The following S100A4 variants were observed in gnomAD, a reference collection of about 807,000 sequenced individuals.
S100A4 encodes the protein S100 calcium binding protein A4, also known as protein S100-A4.
A neutral mutation model predicts 6.3 loss-of-function variants in S100A4; 4 were observed. That is an observed-to-expected ratio of 0.64 (90% CI 0.31 to 1.46). The LOEUF (loss-of-function observed/expected upper bound fraction) is 1.46. S100A4 is among the 40% of genes most tolerant of loss of function. The pLI, the probability that S100A4 is intolerant of heterozygous loss-of-function variation, is 0.07. For synonymous variants in S100A4, 44 were observed against 47.6 expected, an observed-to-expected ratio of 0.92 and a Z score of 0.32; for missense variants, 108 against 120.8, an observed-to-expected ratio of 0.89 and a Z score of 0.50.
chr1:153,544,928 G>C (rs1665512638), intron 1 of S100A4, 119 bp from the exon 2 acceptor site: 10 of 1,340,862 alleles, frequency 7.5e-6, no homozygotes, highest in African/African-American at 4.3e-5. Flanking sequence ...CTCCCTCCCT[G>C]GGGGAGCCCA....
chr1:153,543,686 G>GAAA lies in S100A4; in HGVS notation c.*70_*72dup. ...GCACGTGTCTGAAGGAGCCAGGGTG[G>GAAA]AAAAAAAAAAGTGCCCACTGGCGAC... On this transcript the variant is annotated 3_prime_UTR_variant, in exon 3 of 3. Transcript: ENST00000368716. 1 of 1,271,790 alleles carries GAAA rather than the reference G, an allele frequency of 7.9e-7. No homozygotes were observed. The highest frequency in any genetic ancestry group is 1.1e-6 in the Non-Finnish European group (1 of 921,828). The allele number at this position is 1,271,790 out of a possible 1,614,324, so 78.8% of individuals were successfully genotyped here.
Position 153,544,784 on chromosome 1 carries a change from G to T in S100A4, c.11C>A (p.Pro4His). 14 of 1,614,184 alleles carry T rather than the reference G, an allele frequency of 8.7e-6. No individual in the cohort carries two copies. The highest frequency in any genetic ancestry group is 1.2e-5 in the Non-Finnish European group (14 of 1,180,012). Residue 4 changes from proline to histidine, a missense_variant, in exon 2 of 3, where the codon CCT becomes CAT. Coordinates refer to ENST00000368716, the MANE Select transcript of S100A4 (RefSeq NM_002961.3). ...CATCACATCCAGGGCCTTCTCCAGAGGGCACGCCATGACAGCAGTCAGGAT... is the reference window on the plus strand; with the variant it reads ...CATCACATCCAGGGCCTTCTCCAGATGGCACGCCATGACAGCAGTCAGGAT... MACPLEKALDVMVS... is the reference protein window; with the variant it reads MACHLEKALDVMVS...
chr1:153,545,018 T>G lies in S100A4; in HGVS notation c.-15-209A>C, dbSNP rs1291844277. ...CTCTGGGCAGTGAACATTTGCAAGA[T>G]CCGCTGCGCAAGCTCTGGAGATTCG... On this transcript the variant is annotated intron_variant, in intron 1 of 2. Transcript: ENST00000368716. 1.1e-5 allele frequency: 6 copies of G among 539,788 alleles called. No individual in the cohort carries two copies. In the Admixed American group the frequency reaches 1.9e-4, roughly 17 times the overall value. The allele number at this position is 539,788 out of a possible 1,614,324, so 33.4% of individuals were successfully genotyped here. A position where few individuals can be genotyped will look rare whatever the true frequency, so the allele number is the denominator to read the frequency against.
chr1:153,544,970 G>A (rs549320210), intron 1 of S100A4, 161 bp from the exon 2 acceptor site: 2 of 761,598 alleles, frequency 2.6e-6, no homozygotes, highest in Admixed American at 2.8e-5. Context: ...GGCTGGGAGG[G>A]TGTGCACAGT....
intron 2 of S100A4, among the ~76,000 whole-genome samples, chr1:153,544,432 C>T (rs922701382): frequency 2.0e-5 from 3 of 152,180 alleles, no homozygotes; most frequent in Non-Finnish European, 4.4e-5. Flanking sequence ...GTCTTCCCTT[C>T]AGTTAAGTTG....
intron 1 of S100A4, 96 bp from the exon 2 acceptor site, chr1:153,544,905 T>C: frequency 1.3e-6 from 2 of 1,489,322 alleles, no homozygotes; most frequent in Non-Finnish European, 1.8e-6. Flanking sequence ...CAGGAGCACT[T>C]GGCGAGACTC....
intron 1 of S100A4, chr1:153,545,479 C>A (rs1415285199): frequency 6.6e-6 from 1 of 152,640 alleles, no homozygotes; most frequent in African/African-American, 2.4e-5. Context: ...CCAACACGTA[C>A]TATAGCAACA....
Position 153,543,785 on chromosome 1 carries a change from G to T in S100A4, c.280C>A (p.Pro94Thr), listed in dbSNP as rs764890104. Residue 94 changes from proline to threonine, a missense_variant, in exon 3 of 3, where the codon CCA becomes ACA. Coordinates refer to ENST00000368716, the MANE Select transcript of S100A4 (RefSeq NM_002961.3). ...CATTTCTTCCTGGGCTGCTTATCTG[G>T]GAAGCCTTCAAAGAATTCGTTACAC... ...MMCNEFFEGF[P>T]DKQPRKK is the part of the protein sequence containing the mutation. 6.2e-7 allele frequency: 1 copy of T among 1,614,078 alleles called. No individual in the cohort carries two copies.
chr1:153,544,848 A>C (rs533553125), intron 1 of S100A4, 39 bp from the exon 2 acceptor site: 1 of 1,609,234 alleles, frequency 6.2e-7, no homozygotes, highest in South Asian at 1.1e-5. Context: ...TATTAATCCC[A>C]CCCCTCAGAG....
intron 2 of S100A4, 62 bp downstream of exon 2, chr1:153,544,592 C>A: frequency 2.5e-6 from 4 of 1,606,304 alleles, no homozygotes; most frequent in Non-Finnish European, 3.4e-6. Flanking sequence ...TAGAGCAAGA[C>A]TGCTGCCCTC....
Position 153,543,693 on chromosome 1 carries a change from A to G in S100A4, c.*66T>C, listed in dbSNP as rs558216576. ...TCTGAAGGAGCCAGGGTGGAAAAAA[A>G]AAAGTGCCCACTGGCGACAGGGAGG... On this transcript the variant is annotated 3_prime_UTR_variant, in exon 3 of 3. Coordinates refer to ENST00000368716, the MANE Select transcript of S100A4 (RefSeq NM_002961.3). 1 of 1,524,898 alleles carries G rather than the reference A, an allele frequency of 6.6e-7. No homozygotes were observed. Among genetic ancestry groups the G allele is most frequent in the East Asian group, 2.3e-5 (1 of 44,184 alleles). 94.5% of individuals were successfully genotyped at this position (1,524,898 alleles called of 1,614,324 possible). A position where few individuals can be genotyped will look rare whatever the true frequency, so the allele number is the denominator to read the frequency against.
At chr1:153,543,976 A>G (rs1665473984) in intron 2 of S100A4, 53 bp from the exon 3 acceptor site, 25 of 1,596,836 alleles carry the variant, frequency 1.6e-5, no homozygotes, top group Non-Finnish European at 2.1e-5. Flanking sequence ...GGGTGGAGCC[A>G]GGACCAGACC....
intron 2 of S100A4, 37 bp downstream of exon 2, chr1:153,544,616 GC>G (rs138957616): frequency 0.064 from 102,465 of 1,612,412 alleles, 5,244 homozygotes; most frequent in African/African-American, 0.27. Context: ...TGTGGGAAAT[GC>G]CCCACGTGGG....
chr1:153,544,772 G>A lies in S100A4; in HGVS notation c.23C>T (p.Ala8Val), dbSNP rs566299932. 1.2e-6 allele frequency: 2 copies of A among 1,614,066 alleles called. No individual in the cohort carries two copies. The highest frequency in any genetic ancestry group is 2.7e-5 in the African/African-American group (2 of 74,928). MACPLEK[A>V]LDVMVSTFHK... ...GAAGGTGGACACCATCACATCCAGG[G>A]CCTTCTCCAGAGGGCACGCCATGAC... is the stretch of plus-strand genomic sequence containing the variant. Residue 8 changes from alanine (A) to valine (V), a missense_variant, in exon 2 of 3, where the codon GCC becomes GTC. Physicochemically the swap from Ala to Val is moderately conservative, Grantham distance 64. Transcript: ENST00000368716.
intron 1 of S100A4, chr1:153,545,240 T>G: frequency 5.4e-6 from 1 of 186,482 alleles, no homozygotes; most frequent in Non-Finnish European, 1.2e-5. Context: ...GCCGCTTAGC[T>G]CTCAGCATGG....
In S100A4 at chr1:153,543,713, G is replaced by A. The variant is rs537508185; in HGVS notation, c.*46C>T. Reference sequence around the variant, plus strand: ...AAAAAAAAAGTGCCCACTGGCGACAGGGAGGGCCCCAGCTGGCAGACCCCC... The same window carrying A: ...AAAAAAAAAGTGCCCACTGGCGACAAGGAGGGCCCCAGCTGGCAGACCCCC... On this transcript the variant is annotated 3_prime_UTR_variant, in exon 3 of 3. Transcript: ENST00000368716. 55 of 1,584,778 alleles carry A rather than the reference G, an allele frequency of 3.5e-5. No individual in the cohort carries two copies. The South Asian group carries it at 6.1e-4, about 17-fold the overall frequency.
At position 153,543,678 on chromosome 1, in the gene S100A4, C is replaced by T; in HGVS notation, c.*81G>A. 2 of 1,370,638 alleles carry T rather than the reference C, an allele frequency of 1.5e-6. No individual in the cohort carries two copies. The highest frequency in any genetic ancestry group is 2.0e-6 in the Non-Finnish European group (2 of 984,086). 84.9% of individuals were successfully genotyped at this position (1,370,638 alleles called of 1,614,324 possible). A position where few individuals can be genotyped will look rare whatever the true frequency, so the allele number is the denominator to read the frequency against. On this transcript the variant is annotated 3_prime_UTR_variant, in exon 3 of 3. Transcript: ENST00000368716. Reference sequence around the variant, plus strand: ...AGCATCAAGCACGTGTCTGAAGGAGCCAGGGTGGAAAAAAAAAAGTGCCCA... The same window carrying T: ...AGCATCAAGCACGTGTCTGAAGGAGTCAGGGTGGAAAAAAAAAAGTGCCCA...
Position 153,544,689 on chromosome 1 carries a change from C to T in S100A4, c.106G>A (p.Glu36Lys). The T allele has an allele frequency of 6.2e-7, 1 of 1,614,216 alleles. No homozygotes were observed. The highest frequency in any genetic ancestry group is 8.5e-7 in the Non-Finnish European group (1 of 1,180,024). ...CTGGGCAGCTCCCGGGTCAGCAGCT[C>T]CTTTAGTTCTGACTTGTTGAGCTTG... ...KFKLNKSELKELLTRELPSFL... is the reference protein window; with the variant it reads ...KFKLNKSELKKLLTRELPSFL... The change falls in exon 2 of 3, where the codon GAG becomes AAG. Residue 36 changes from glutamate to lysine, a missense_variant. Physicochemically the swap from Glu to Lys is moderately conservative, Grantham distance 56. Transcript: ENST00000368716.
Position 153,544,750 on chromosome 1 carries a change from G to A in S100A4, c.45C>T (p.Thr15=). The A allele has an allele frequency of 6.2e-7, 1 of 1,614,218 alleles. No homozygotes were observed. The highest frequency in any genetic ancestry group is 8.5e-7 in the Non-Finnish European group (1 of 1,180,034). ...LEKALDVMVS[T]FHKYSGKEGD... ...CCTCTTTGCCCGAGTACTTGTGGAA[G>A]GTGGACACCATCACATCCAGGGCCT... Residue 15 remains threonine (T), a synonymous_variant, in exon 2 of 3, where the codon ACC becomes ACT. Coordinates refer to ENST00000368716, the MANE Select transcript of S100A4 (RefSeq NM_002961.3).
Sources: gnomAD v4.1 joint callset for allele counts (sites outside exome capture counted in the v4.1 genomes callset) on GRCh38, gnomAD v4.1.1 for gene constraint, MANE v1.5 for transcripts, NCBI Gene and HGNC (gene_info 2026-07-23, HGNC 2026-07-21) for gene names.